Variants in ATL2 observed in about 807,000 individuals in gnomAD.
ATL2 encodes atlastin GTPase 2.
In ATL2, 31 loss-of-function variants were observed where a neutral mutation model predicts 73.9. That is an observed-to-expected ratio of 0.42 (90% CI 0.32 to 0.57). The LOEUF (loss-of-function observed/expected upper bound fraction) is 0.57. ATL2 is among the 20% of genes least tolerant of loss of function. The pLI, the probability that ATL2 is intolerant of heterozygous loss-of-function variation, is 0.14. For missense variants in ATL2, 738 were observed against 702.6 expected (o/e 1.05, Z -0.57); for synonymous variants, 291 against 237.5 (o/e 1.23, Z -2.07).
chr2:38,341,857 G>T (rs558270749), intron 2 of ATL2, among the ~76,000 whole-genome samples: 1 of 152,200 alleles, frequency 6.6e-6, no homozygotes, highest in Non-Finnish European at 1.5e-5. Flanking sequence ...CGAAGAGAAT[G>T]CACACCCAAT....
At chr2:38,377,086 A>T in intron 1 of ATL2, 57 bp downstream of exon 1, 1 of 1,538,026 alleles carries the variant, frequency 6.5e-7, no homozygotes, top group Non-Finnish European at 8.9e-7. Flanking sequence ...CGCGAGCCCG[A>T]GCAGCGAGCG....
At chr2:38,307,659 G>A (rs1324325336) in intron 9 of ATL2, among the ~76,000 whole-genome samples, 1 of 152,054 alleles carries the variant, frequency 6.6e-6, no homozygotes, top group East Asian at 1.9e-4. Flanking sequence ...TCAGAAAAGT[G>A]AAGACGCAAC....
chr2:38,360,152 A>T (rs571009894), intron 1 of ATL2, among the ~76,000 whole-genome samples: 16 of 151,266 alleles, frequency 1.1e-4, no homozygotes, highest in African/African-American at 3.9e-4. Flanking sequence ...AAAAAAAAGA[A>T]TACTAAAGTA....
intron 2 of ATL2, among the ~76,000 whole-genome samples, chr2:38,329,866 C>T (rs566652356): frequency 2.0e-5 from 3 of 152,130 alleles, no homozygotes; most frequent in African/African-American, 2.4e-5. Flanking sequence ...TGGTGGCTCA[C>T]GCCTGTAATC....
intron 1 of ATL2, among the ~76,000 whole-genome samples, chr2:38,346,745 A>G (rs1026140827): frequency 2.6e-5 from 4 of 151,932 alleles, no homozygotes; most frequent in African/African-American, 9.7e-5. Context: ...CTCGCCTGCT[A>G]CTCCCCTCTT....
At chr2:38,323,349 G>GTTTTTT (rs1229668962) in intron 2 of ATL2, among the ~76,000 whole-genome samples, 7 of 75,244 alleles carry the variant, frequency 9.3e-5, no homozygotes, top group East Asian at 3.4e-4. Flanking sequence ...ATCACCAGAA[G>GTTTTTT]TTTTTTTTTT....
At position 38,309,887 on chromosome 2, in the gene ATL2, A is replaced by G. The variant is rs373938305; in HGVS notation, c.944-381T>C. 4.1e-4 allele frequency among the ~76,000 whole-genome samples: 63 copies of G among 152,322 alleles called. 3 individuals carry two copies. In the South Asian group the frequency reaches 6.8e-3, roughly 17 times the overall value. ...ATTATGTTTTACCAGCCATACTGTA[A>G]AAGTTTTGTCAATCCCCAAATGTTT... On this transcript the variant is annotated intron_variant, in intron 8 of 12. Transcript: ENST00000378954.
rs756836973 is a variant in ATL2 at position 38,377,231 on chromosome 2, C to T, written c.30G>A (p.Gly10=). Residue 10 remains glycine, a synonymous_variant, in exon 1 of 13, where the codon GGG becomes GGA. Transcript: ENST00000378954. The part of the protein sequence containing the change: MAEGDEAAR[G]QQPHQGLWRR... Reference sequence around the variant, plus strand: ...GCCACAGCCCCTGGTGCGGTTGCTGCCCTCGCGCTGCCTCGTCCCCCTCCG... The same window carrying T: ...GCCACAGCCCCTGGTGCGGTTGCTGTCCTCGCGCTGCCTCGTCCCCCTCCG... 6 of 1,602,112 alleles carry T rather than the reference C, an allele frequency of 3.7e-6. No homozygotes were observed. In the African/African-American group the frequency reaches 5.4e-5, roughly 14 times the overall value.
At chr2:38,376,481 A>C in intron 1 of ATL2, 1 of 230,536 alleles carries the variant, frequency 4.3e-6, no homozygotes, top group Non-Finnish European at 8.3e-6. Context: ...GAAAATCTAG[A>C]CTTGCACCCT....
intron 9 of ATL2, among the ~76,000 whole-genome samples, chr2:38,305,479 G>A (rs966643453): frequency 4.6e-5 from 7 of 152,076 alleles, no homozygotes; most frequent in African/African-American, 1.7e-4. Context: ...AACCTGGGAG[G>A]TAGAGGTTGC....
chr2:38,334,531 T>A (rs981226388), intron 2 of ATL2, among the ~76,000 whole-genome samples: 1 of 151,576 alleles, frequency 6.6e-6, no homozygotes, highest in Non-Finnish European at 1.5e-5. Context: ...AAACCCCATC[T>A]CTACTAAAAA....
chr2:38,308,429 T>C (rs1667569930), intron 9 of ATL2, among the ~76,000 whole-genome samples: 1 of 151,848 alleles, frequency 6.6e-6, no homozygotes, highest in Admixed American at 6.6e-5. Context: ...CGATAGAGAG[T>C]ACTAGAAAGA....
At chr2:38,310,168 A>T (rs1667670055) in intron 8 of ATL2, 141 bp downstream of exon 8, 2 of 921,648 alleles carry the variant, frequency 2.2e-6, no homozygotes, top group Non-Finnish European at 3.2e-6. Flanking sequence ...AACAACACAG[A>T]GCATTACAAC....
intron 2 of ATL2, among the ~76,000 whole-genome samples, chr2:38,329,565 G>C (rs10201152): frequency 2.0e-5 from 3 of 150,474 alleles, no homozygotes; most frequent in Non-Finnish European, 4.4e-5. Flanking sequence ...AATTCTTTTA[G>C]AAAATAAGCA....
intron 1 of ATL2, among the ~76,000 whole-genome samples, chr2:38,352,044 G>C (rs1359847941): frequency 1.3e-5 from 2 of 149,590 alleles, no homozygotes; most frequent in African/African-American, 2.5e-5. Context: ...CCCAGGGGTG[G>C]AGGCTGCAGT....
At position 38,314,650 on chromosome 2, in the gene ATL2, A is replaced by G. The variant is rs756314200; in HGVS notation, c.669T>C (p.Tyr223=). 1 of 1,595,014 alleles carries G rather than the reference A, an allele frequency of 6.3e-7. No individual in the cohort carries two copies. Among genetic ancestry groups the G allele is most frequent in the South Asian group, 1.1e-5 (1 of 90,364 alleles). ...DLQHLQLFTE[Y]GRLAMEEIYQ... Reference sequence around the variant, plus strand: ...AGATTTCTTCCATCGCAAGTCTTCCATACTCTGTAAATAACTATTAAATAG... The same window carrying G: ...AGATTTCTTCCATCGCAAGTCTTCCGTACTCTGTAAATAACTATTAAATAG... Residue 223 remains tyrosine, a synonymous_variant, in exon 6 of 13, where the codon TAT becomes TAC. Coordinates refer to ENST00000378954, the MANE Select transcript of ATL2 (RefSeq NM_001135673.4).
Position 38,298,055 on chromosome 2 carries a change from A to G in ATL2, c.1632+89T>C, listed in dbSNP as rs1666987089. On this transcript the variant is annotated intron_variant, in intron 12 of 12. Transcript: ENST00000378954. ...CATCCTTTTGACATTCCTCACATGA[A>G]GGCAAAGTCGGAGTACAAATACTGC... The G allele has an allele frequency of 4.0e-6, 5 of 1,252,550 alleles. No homozygotes were observed. In the Admixed American group the frequency reaches 1.2e-4, roughly 29 times the overall value. 77.6% of individuals were successfully genotyped at this position (1,252,550 alleles called of 1,614,324 possible). A position where few individuals can be genotyped will look rare whatever the true frequency, so the allele number is the denominator to read the frequency against.
At chr2:38,335,420 A>G (rs1458987778) in intron 2 of ATL2, among the ~76,000 whole-genome samples, 3 of 152,208 alleles carry the variant, frequency 2.0e-5, no homozygotes, top group East Asian at 1.9e-4. Context: ...AACATACAAC[A>G]TATTTCTGAC....
In ATL2 at chr2:38,314,639, G is replaced by T. The variant is rs767917005; in HGVS notation, c.680C>A (p.Ala227Glu). ...LQLFTEYGRL[A>E]MEEIYQKPFQ... ...TGGTTTCTGGTAGATTTCTTCCATC[G>T]CAAGTCTTCCATACTCTGTAAATAA... Residue 227 changes from alanine to glutamate, a missense_variant, in exon 6 of 13, where the codon GCG (alanine) becomes GAG (glutamate). Physicochemically the swap from Ala to Glu is moderately radical, Grantham distance 107. Transcript: ENST00000378954. 3 of 1,597,800 alleles carry T rather than the reference G, an allele frequency of 1.9e-6. No individual in the cohort carries two copies. Among genetic ancestry groups the T allele is most frequent in the Non-Finnish European group, 1.7e-6 (2 of 1,166,194 alleles).
Sources: gnomAD v4.1 joint callset for allele counts (sites outside exome capture counted in the v4.1 genomes callset) on GRCh38, gnomAD v4.1.1 for gene constraint, MANE v1.5 for transcripts, NCBI Gene and HGNC (gene_info 2026-07-23, HGNC 2026-07-21) for gene names.